The following PARP8 variants were observed in gnomAD, a reference collection of about 807,000 sequenced individuals.
PARP8 encodes protein mono-ADP-ribosyltransferase PARP8.
PARP8 carries 51 observed loss-of-function variants against 124.1 expected under a neutral mutation model. The ratio of observed to expected loss-of-function variants is 0.41; its 90% confidence interval spans 0.33 to 0.52. PARP8 has a LOEUF of 0.52. Ranked by LOEUF, PARP8 falls within the 20% of genes least tolerant of loss-of-function variation. The pLI, the probability that PARP8 is intolerant of heterozygous loss-of-function variation, is 0.21. For synonymous variants in PARP8, 391 were observed against 361.5 expected, an observed-to-expected ratio of 1.08 and a Z score of -0.93; for missense variants, 860 against 1,018.9, an observed-to-expected ratio of 0.84 and a Z score of 2.12.
Position 50,705,733 on chromosome 5 carries a change from T to G in PARP8, c.146+37608T>G, listed in dbSNP as rs1012913584. Among the ~76,000 whole-genome samples, 4 of 151,964 alleles carry G rather than the reference T, an allele frequency of 2.6e-5. No homozygotes were observed. The East Asian group carries it at 7.7e-4, about 29-fold the overall frequency. ...CAGGAGGCAAAGGTTGCAGTGAGCC[T>G]GATCAAGCCACTGCACTCCAGCCTA... On this transcript the variant is annotated intron_variant, in intron 2 of 25. Transcript: ENST00000281631.
At chr5:50,836,872 G>A (rs950709297) in intron 25 of PARP8, among the ~76,000 whole-genome samples, 2 of 152,098 alleles carry the variant, frequency 1.3e-5, no homozygotes, top group East Asian at 1.9e-4. Context: ...GATTTTGGCC[G>A]AAAAGTAACT....
intron 2 of PARP8, among the ~76,000 whole-genome samples, chr5:50,714,731 A>C (rs960412452): frequency 2.0e-5 from 3 of 152,126 alleles, no homozygotes; most frequent in Non-Finnish European, 4.4e-5. Flanking sequence ...AGAAGGAACC[A>C]GGGCTTTCCA....
intron 2 of PARP8, among the ~76,000 whole-genome samples, chr5:50,674,277 T>G (rs1277181369): frequency 1.3e-5 from 2 of 152,232 alleles, no homozygotes; most frequent in African/African-American, 4.8e-5. Flanking sequence ...CTTTTCCTAG[T>G]CAGTATCACA....
intron 2 of PARP8, among the ~76,000 whole-genome samples, chr5:50,736,358 A>G (rs184115569): frequency 6.6e-6 from 1 of 152,268 alleles, no homozygotes; most frequent in African/African-American, 2.4e-5. Context: ...GTAATGGTGC[A>G]GCATCTTTGT....
intron 2 of PARP8, among the ~76,000 whole-genome samples, chr5:50,686,838 C>G (rs1409731357): frequency 6.6e-6 from 1 of 152,138 alleles, no homozygotes; most frequent in African/African-American, 2.4e-5. Flanking sequence ...GGCTGGGACG[C>G]AGGGCATGGA....
intron 2 of PARP8, among the ~76,000 whole-genome samples, chr5:50,732,542 T>C (rs1311280079): frequency 5.3e-5 from 8 of 152,164 alleles, no homozygotes; most frequent in Non-Finnish European, 1.2e-4. Flanking sequence ...TTTGAGAACA[T>C]AGTAGTAAAA....
At chr5:50,784,775 T>C (rs1355546335) in intron 9 of PARP8, among the ~76,000 whole-genome samples, 1 of 152,108 alleles carries the variant, frequency 6.6e-6, no homozygotes, top group Non-Finnish European at 1.5e-5. Flanking sequence ...TGTTGTTGTT[T>C]TTTGTTTGCT....
intron 2 of PARP8, among the ~76,000 whole-genome samples, chr5:50,727,530 G>A (rs1333418986): frequency 6.6e-6 from 1 of 152,118 alleles, no homozygotes; most frequent in African/African-American, 2.4e-5. Flanking sequence ...TAATGTACAT[G>A]GCTTGTAGGC....
Position 50,674,428 on chromosome 5 carries a change from C to G in PARP8, c.146+6303C>G, listed in dbSNP as rs73098958. On this transcript the variant is annotated intron_variant, in intron 2 of 25. Coordinates refer to ENST00000281631, the MANE Select transcript of PARP8 (RefSeq NM_024615.4). ...TCCCATGTCAACATTTAGCCCATGC[C>G]CTGTTGGCTTTGACTTAGATCAATC... Among the ~76,000 whole-genome samples, 143 of 152,328 alleles carry G rather than the reference C, an allele frequency of 9.4e-4. 1 individual carries two copies. Among genetic ancestry groups the G allele is most frequent in the African/African-American group, 3.3e-3 (138 of 41,568 alleles).
intron 2 of PARP8, among the ~76,000 whole-genome samples, chr5:50,722,482 A>G (rs543277701): frequency 6.6e-6 from 1 of 152,144 alleles, no homozygotes; most frequent in East Asian, 1.9e-4. Context: ...CAGTGACTGT[A>G]TGGAGCTGAG....
chr5:50,755,014 C>A (rs1759765413), intron 3 of PARP8, among the ~76,000 whole-genome samples: 1 of 152,124 alleles, frequency 6.6e-6, no homozygotes, highest in Admixed American at 6.5e-5. Flanking sequence ...ATCCTTCGCC[C>A]ACTTTTTGAT....
chr5:50,682,289 G>T (rs1459825922), intron 2 of PARP8, among the ~76,000 whole-genome samples: 1 of 152,114 alleles, frequency 6.6e-6, no homozygotes, highest in Non-Finnish European at 1.5e-5. Flanking sequence ...GAGGCAGGGT[G>T]TCGAATATTT....
chr5:50,821,651 T>C (rs1745777772), intron 16 of PARP8, among the ~76,000 whole-genome samples: 1 of 152,228 alleles, frequency 6.6e-6, no homozygotes, highest in Non-Finnish European at 1.5e-5. Flanking sequence ...ATACTGTTAA[T>C]GGACTGGCCT....
Position 50,754,946 on chromosome 5 carries a change from AT to A in PARP8, c.185-4691del, listed in dbSNP as rs1469405216. The stretch of plus-strand genomic sequence containing the variant: ...TCTCTGATGGCCAGTGATGATGAGC[AT>A]TTTTTCATGTGTCTGTTGGCTGCAT... On this transcript the variant is annotated intron_variant, in intron 3 of 25. Transcript: ENST00000281631. Among the ~76,000 whole-genome samples the A allele has an allele frequency of 2.0e-5, 3 of 151,988 alleles. No individual in the cohort carries two copies. In the East Asian group the frequency reaches 5.8e-4, roughly 29 times the overall value.
At chr5:50,708,434 T>A (rs1754389608) in intron 2 of PARP8, among the ~76,000 whole-genome samples, 1 of 152,086 alleles carries the variant, frequency 6.6e-6, no homozygotes, top group Non-Finnish European at 1.5e-5. Flanking sequence ...TTTTTTTTAA[T>A]CTCTGCATGT....
intron 25 of PARP8, among the ~76,000 whole-genome samples, chr5:50,841,493 A>G (rs547649867): frequency 6.6e-6 from 1 of 152,036 alleles, no homozygotes; most frequent in South Asian, 2.1e-4. Flanking sequence ...AGCACTGATT[A>G]TGGCTGAATA....
chr5:50,735,776 C>A (rs1757407031), intron 2 of PARP8, among the ~76,000 whole-genome samples: 3 of 151,546 alleles, frequency 2.0e-5, no homozygotes, highest in South Asian at 4.2e-4. Context: ...TGATATTCAT[C>A]CAAATTACAA....
chr5:50,727,336 C>T (rs10940497), intron 2 of PARP8, among the ~76,000 whole-genome samples: 128,691 of 152,060 alleles, frequency 0.85, 54,822 homozygotes, highest in East Asian at 0.96. Context: ...ACCCAGTCCC[C>T]GCTCCTGCTC....
chr5:50,690,989 G>T (rs1338339461), intron 2 of PARP8, among the ~76,000 whole-genome samples: 1 of 152,072 alleles, frequency 6.6e-6, no homozygotes, highest in Non-Finnish European at 1.5e-5. Flanking sequence ...CCAAAAGGTA[G>T]CAGCTCTTTC....
Sources: allele counts gnomAD v4.1 joint callset (sites outside exome capture counted in the v4.1 genomes callset), GRCh38; gene constraint gnomAD v4.1.1; transcripts MANE v1.5; gene names NCBI Gene and HGNC (gene_info 2026-07-23, HGNC 2026-07-21).